LINGO2: variants seen among roughly 807,000 people sequenced by gnomAD.
The protein encoded by LINGO2 is leucine-rich repeat and immunoglobulin-like domain-containing nogo receptor-interacting protein 2.
A neutral mutation model predicts 30.6 loss-of-function variants in LINGO2; 14 were observed. The ratio of observed to expected loss-of-function variants is 0.46; its 90% confidence interval spans 0.30 to 0.72. The LOEUF is 0.72. Ranked by LOEUF, LINGO2 falls within the 30% of genes least tolerant of loss-of-function variation. LINGO2 has a pLI of 0.07. For synonymous variants in LINGO2, 317 were observed against 288.5 expected (o/e 1.10, Z -1.00); for missense variants, 729 against 751.7 (o/e 0.97, Z 0.35).
At chr9:27,945,271 CAGAGT>C (rs1477345734), downstream of LINGO2, among the ~76,000 whole-genome samples, 1 of 151,988 alleles carries the variant, frequency 6.6e-6, no homozygotes, top group East Asian at 1.9e-4. Flanking sequence ...GTGTTTGTAC[CAGAGT>C]AAAGTGACAA....
At chr9:28,948,833 T>C in the LINGO2 span, among the ~76,000 whole-genome samples, 2 of 152,060 alleles carry the variant, frequency 1.3e-5, no homozygotes, top group East Asian at 1.9e-4. Flanking sequence ...ATTCTGTTGC[T>C]GCACTCTCTT....
chr9:28,276,838 C>T (rs1406891351), intron 4 of LINGO2, among the ~76,000 whole-genome samples: 7 of 152,028 alleles, frequency 4.6e-5, no homozygotes, highest in Admixed American at 6.6e-5. Context: ...TGTCTAATAC[C>T]TTTTAGATGG....
At chr9:28,355,018 A>G (rs915259436) in intron 3 of LINGO2, among the ~76,000 whole-genome samples, 2 of 152,198 alleles carry the variant, frequency 1.3e-5, no homozygotes, top group Non-Finnish European at 2.9e-5. Flanking sequence ...AAATGTGCTC[A>G]CTTATTAAAG....
chr9:28,702,877 A>C, the LINGO2 span, among the ~76,000 whole-genome samples: 1 of 151,840 alleles, frequency 6.6e-6, no homozygotes, highest in Admixed American at 6.6e-5. Context: ...GGTTTTCAAG[A>C]AATTTGGCCA....
chr9:28,686,697 C>T, the LINGO2 span, among the ~76,000 whole-genome samples: 1 of 152,100 alleles, frequency 6.6e-6, no homozygotes, highest in East Asian at 1.9e-4. Context: ...TTTCTAGAGA[C>T]AGTAACAAGC....
At chr9:28,535,453 C>A (rs1236552107) in intron 1 of LINGO2, among the ~76,000 whole-genome samples, 1 of 151,878 alleles carries the variant, frequency 6.6e-6, no homozygotes, top group Non-Finnish European at 1.5e-5. Flanking sequence ...GGTGAGATTC[C>A]CATAGCCATT....
intron 4 of LINGO2, among the ~76,000 whole-genome samples, chr9:28,227,644 G>T (rs75609198): frequency 4.0e-5 from 6 of 149,366 alleles, no homozygotes; most frequent in Non-Finnish European, 5.9e-5. Context: ...AAAAAAAAAA[G>T]TATAAAATGA....
the LINGO2 span, among the ~76,000 whole-genome samples, chr9:29,075,515 A>G: frequency 6.6e-6 from 1 of 152,152 alleles, no homozygotes; most frequent in African/African-American, 2.4e-5. Flanking sequence ...CGTTTCTTTT[A>G]TTTCGAATTC....
At chr9:28,246,523 T>C (rs1434102366) in intron 4 of LINGO2, among the ~76,000 whole-genome samples, 1 of 152,070 alleles carries the variant, frequency 6.6e-6, no homozygotes, top group Non-Finnish European at 1.5e-5. Flanking sequence ...TATTTAATAA[T>C]AGGTGCTGGG....
At chr9:28,262,151 C>T (rs961319787) in intron 4 of LINGO2, among the ~76,000 whole-genome samples, 1 of 151,464 alleles carries the variant, frequency 6.6e-6, no homozygotes, top group East Asian at 1.9e-4. Flanking sequence ...TTCTTTTTTC[C>T]TTAAAATGGA....
intron 2 of LINGO2, among the ~76,000 whole-genome samples, chr9:28,456,957 T>C (rs576582508): frequency 2.9e-4 from 44 of 152,292 alleles, no homozygotes; most frequent in African/African-American, 9.9e-4. Flanking sequence ...CCTTTCACAT[T>C]TGGAGAGCCT....
At chr9:28,404,988 AT>A (rs1457759370) in intron 2 of LINGO2, among the ~76,000 whole-genome samples, 5 of 151,706 alleles carry the variant, frequency 3.3e-5, no homozygotes, top group African/African-American at 1.2e-4. Flanking sequence ...GAGGAATTTC[AT>A]TTGGAGCAAG....
At chr9:28,498,090 G>A (rs1414043744) in intron 1 of LINGO2, among the ~76,000 whole-genome samples, 1 of 152,280 alleles carries the variant, frequency 6.6e-6, no homozygotes, top group Admixed American at 6.5e-5. Flanking sequence ...CTCCCAGTTA[G>A]GTTACTTGGG....
chr9:29,015,264 A>C, the LINGO2 span, among the ~76,000 whole-genome samples: 3 of 152,170 alleles, frequency 2.0e-5, no homozygotes, highest in Admixed American at 2.0e-4. Flanking sequence ...GTCTATGCAC[A>C]TAACAAAATT....
At chr9:27,948,152 GT>G (rs1013125436) in exon 6 of LINGO2, 4 of 152,082 alleles carry the variant, frequency 2.6e-5, no homozygotes, top group African/African-American at 9.7e-5. Context: ...TTTGCCTTGG[GT>G]CCTGTTTCTT....
chr9:27,997,498 G>A (rs1821728347), intron 5 of LINGO2, among the ~76,000 whole-genome samples: 1 of 151,936 alleles, frequency 6.6e-6, no homozygotes, highest in Admixed American at 6.6e-5. Context: ...GCCCCTTGTT[G>A]GGCCTCAGAC....
intron 2 of LINGO2, among the ~76,000 whole-genome samples, chr9:28,451,336 C>T (rs1396102786): frequency 6.6e-6 from 1 of 151,754 alleles, no homozygotes; most frequent in African/African-American, 2.4e-5. Context: ...CAGTAGAATG[C>T]TTATCTCACT....
At chr9:28,913,133 G>A in the LINGO2 span, among the ~76,000 whole-genome samples, 1 of 151,874 alleles carries the variant, frequency 6.6e-6, no homozygotes, top group Non-Finnish European at 1.5e-5. Flanking sequence ...CAAACTAAAT[G>A]ATCTGTTCAA....
chr9:28,145,056 T>A (rs1827775902), intron 4 of LINGO2, among the ~76,000 whole-genome samples: 1 of 152,220 alleles, frequency 6.6e-6, no homozygotes, highest in Non-Finnish European at 1.5e-5. Flanking sequence ...AAGGAGACCA[T>A]CTAAGCAGAG....
Sources: gnomAD v4.1 joint callset for allele counts (sites outside exome capture counted in the v4.1 genomes callset) on GRCh38, gnomAD v4.1.1 for gene constraint, MANE v1.5 for transcripts, NCBI Gene and HGNC (gene_info 2026-07-23, HGNC 2026-07-21) for gene names.